Variants in HOOK3 observed in about 807,000 individuals in gnomAD.
HOOK3 encodes hook microtubule tethering protein 3, also known as protein Hook homolog 3.
HOOK3 carries 24 observed loss-of-function variants against 116.3 expected under a neutral mutation model. The observed-to-expected ratio is 0.21, with a 90% CI of 0.15 to 0.29. The LOEUF is 0.29. HOOK3 is among the 10% of genes least tolerant of loss of function. The probability of loss-of-function intolerance (pLI) is 1.00; values close to 1 mark genes in which losing one functional copy is unlikely to be tolerated. For synonymous variants in HOOK3, 275 were observed against 283.0 expected, an observed-to-expected ratio of 0.97 and a Z score of 0.28; for missense variants, 632 against 830.2, an observed-to-expected ratio of 0.76 and a Z score of 2.93.
intron 21 of HOOK3, among the ~76,000 whole-genome samples, chr8:43,016,009 C>T (rs979754645): frequency 2.6e-5 from 4 of 152,062 alleles, no homozygotes; most frequent in African/African-American, 4.8e-5. Flanking sequence ...GCCACCCCAC[C>T]GAGCCCAATA....
intron 17 of HOOK3, among the ~76,000 whole-genome samples, chr8:43,005,927 C>G (rs1220604117): frequency 6.6e-6 from 1 of 151,088 alleles, no homozygotes; most frequent in East Asian, 2.0e-4. Context: ...GAACTCCTGA[C>G]CTTGTGATCC....
At chr8:42,992,710 C>CAAAAAAAA (rs35064772) in intron 15 of HOOK3, among the ~76,000 whole-genome samples, 11 of 56,596 alleles carry the variant, frequency 1.9e-4, no homozygotes, top group African/African-American at 3.1e-4. Flanking sequence ...GACTCCATCT[C>CAAAAAAAA]AAAAAAAAAA....
intron 15 of HOOK3, among the ~76,000 whole-genome samples, chr8:42,991,967 G>A (rs1020247093): frequency 2.0e-5 from 3 of 151,996 alleles, no homozygotes; most frequent in African/African-American, 4.8e-5. Context: ...TCAATTTCTT[G>A]CATCAGTGTT....
chr8:42,964,597 C>T (rs927919645), intron 9 of HOOK3, 123 bp downstream of exon 9: 7 of 781,888 alleles, frequency 9.0e-6, no homozygotes, highest in South Asian at 8.1e-5. Flanking sequence ...GAGGCTGAGG[C>T]GGGCTGATCA....
At chr8:42,933,273 T>A (rs952718395) in intron 4 of HOOK3, among the ~76,000 whole-genome samples, 2 of 152,228 alleles carry the variant, frequency 1.3e-5, no homozygotes, top group African/African-American at 4.8e-5. Context: ...CAGTTTTACA[T>A]GAATATACAT....
chr8:43,014,338 C>CCATT (rs1809668452), intron 21 of HOOK3, among the ~76,000 whole-genome samples: 1 of 149,236 alleles, frequency 6.7e-6, no homozygotes, highest in African/African-American at 2.5e-5. Context: ...GGACCAGATT[C>CCATT]CATTTATTTA....
At chr8:42,935,745 T>G (rs1807957472) in intron 4 of HOOK3, among the ~76,000 whole-genome samples, 1 of 152,324 alleles carries the variant, frequency 6.6e-6, no homozygotes, top group South Asian at 2.1e-4. Flanking sequence ...GTTCCATTGG[T>G]CTGTATATCT....
chr8:42,900,772 G>T (rs1240058841), intron 1 of HOOK3, among the ~76,000 whole-genome samples: 1 of 152,212 alleles, frequency 6.6e-6, no homozygotes, highest in African/African-American at 2.4e-5. Flanking sequence ...TCTGTGTTTT[G>T]ATTGCATTGA....
chr8:42,955,616 G>T (rs1027882073), intron 6 of HOOK3, among the ~76,000 whole-genome samples: 1 of 152,106 alleles, frequency 6.6e-6, no homozygotes, highest in African/African-American at 2.4e-5. Context: ...TAAACTTCAG[G>T]CAGGCAAAAT....
chr8:43,005,448 T>G (rs925833368), intron 17 of HOOK3, among the ~76,000 whole-genome samples: 12 of 151,682 alleles, frequency 7.9e-5, no homozygotes, highest in Non-Finnish European at 1.6e-4. Context: ...GGGCTTGATC[T>G]CCTGACCTCG....
chr8:42,925,681 A>G (rs1357968933), intron 3 of HOOK3, 52 bp downstream of exon 3: 1 of 1,246,744 alleles, frequency 8.0e-7, no homozygotes, highest in Admixed American at 2.1e-5. Context: ...TGTGTATAAT[A>G]TCTGTTGATT....
At chr8:42,992,727 A>G (rs1809190974) in intron 15 of HOOK3, among the ~76,000 whole-genome samples, 1 of 151,670 alleles carries the variant, frequency 6.6e-6, no homozygotes, top group Non-Finnish European at 1.5e-5. Flanking sequence ...AAAAAAAAAA[A>G]AAAAGAAATG....
intron 6 of HOOK3, among the ~76,000 whole-genome samples, chr8:42,956,889 T>C (rs970609856): frequency 7.2e-5 from 11 of 152,208 alleles, no homozygotes; most frequent in African/African-American, 2.7e-4. Flanking sequence ...GCCAGCCCTC[T>C]AATTTTAAAT....
chr8:42,922,980 T>C (rs1321942487), intron 2 of HOOK3, among the ~76,000 whole-genome samples: 1 of 151,790 alleles, frequency 6.6e-6, no homozygotes, highest in Non-Finnish European at 1.5e-5. Flanking sequence ...GTATCCTGAA[T>C]ATTAAAACAA....
At chr8:42,981,205 C>A (rs1452916214) in intron 13 of HOOK3, among the ~76,000 whole-genome samples, 1 of 151,752 alleles carries the variant, frequency 6.6e-6, no homozygotes, top group Non-Finnish European at 1.5e-5. Context: ...GCATGCATCA[C>A]CATGCCTGGC....
At position 42,963,469 on chromosome 8, in the gene HOOK3, A is replaced by G. The variant is rs142638173; in HGVS notation, c.616-842A>G. Among the ~76,000 whole-genome samples the G allele has an allele frequency of 4.2e-3, 635 of 152,358 alleles. 7 individuals carry two copies. The highest frequency in any genetic ancestry group is 0.017 in the Middle Eastern group (5 of 294). On this transcript the variant is annotated intron_variant, in intron 8 of 21. Transcript: ENST00000307602. ...TTCTTCTATTACAAATGAAGCTGCT[A>G]TAAACATTGTTCCTAAGTCTTCGTG...
chr8:43,012,228 T>C (rs1033370959), intron 19 of HOOK3, among the ~76,000 whole-genome samples: 2 of 152,218 alleles, frequency 1.3e-5, no homozygotes, highest in Non-Finnish European at 2.9e-5. Flanking sequence ...CATTGTAGAG[T>C]GTACTTATGC....
chr8:43,008,010 ATTAT>A (rs2130482764), intron 18 of HOOK3, 81 bp downstream of exon 18: 1 of 600,052 alleles, frequency 1.7e-6, no homozygotes, highest in South Asian at 3.6e-5. Flanking sequence ...ATAATTTTTA[ATTAT>A]TTATTTTTTA....
intron 15 of HOOK3, chr8:42,994,377 T>C (rs1809224995): frequency 1.3e-5 from 5 of 376,410 alleles, no homozygotes; most frequent in African/African-American, 2.2e-5. Context: ...CCTTTTCTAG[T>C]TCATTCAGTG....
Sources: allele counts gnomAD v4.1 joint callset (sites outside exome capture counted in the v4.1 genomes callset), GRCh38; gene constraint gnomAD v4.1.1; transcripts MANE v1.5; gene names NCBI Gene and HGNC (gene_info 2026-07-23, HGNC 2026-07-21).